The following NPM2 variants were observed in gnomAD, a reference collection of about 807,000 sequenced individuals.
The protein encoded by NPM2 is nucleophosmin/nucleoplasmin 2, also known as nucleoplasmin-2.
In NPM2, 25 loss-of-function variants were observed where a neutral mutation model predicts 32.0. That is an observed-to-expected ratio of 0.78 (90% CI 0.57 to 1.09). NPM2 has a LOEUF of 1.09. Among genes scored for constraint, NPM2 ranks in the 50% least tolerant of loss-of-function variants. The pLI is 0.00. For missense variants in NPM2, 282 were observed against 259.9 expected (o/e 1.08, Z -0.58); for synonymous variants, 111 against 94.2 (o/e 1.18, Z -1.04).
intron 8 of NPM2, among the ~76,000 whole-genome samples, chr8:22,036,039 C>T (rs1263082480): frequency 6.6e-6 from 1 of 151,722 alleles, no homozygotes; most frequent in African/African-American, 2.4e-5. Context: ...AATGTATTTT[C>T]TTGTCTATTT....
rs1458304185 is a variant in NPM2, at chr8:22,025,758, T to G, written c.256T>G (p.Ser86Ala). The change falls in exon 5 of 10, where the codon TCA becomes GCA. Residue 86 changes from serine (S) to alanine (A), a missense_variant. Physicochemically the swap from Ser to Ala is moderately conservative, Grantham distance 99. Coordinates refer to ENST00000518119, the MANE Select transcript of NPM2 (RefSeq NM_001286680.2). ...QPVTIASLQA[S>A]VLPMVSMVGV... Reference sequence around the variant, plus strand: ...GGTCACCATTGCCTCACTCCAGGCCTCAGTCCTCCCCATGGTGCGCATTTC... The same window carrying G: ...GGTCACCATTGCCTCACTCCAGGCCGCAGTCCTCCCCATGGTGCGCATTTC... 2 of 1,613,968 alleles carry G rather than the reference T, an allele frequency of 1.2e-6. No homozygotes were observed. Among genetic ancestry groups the G allele is most frequent in the African/African-American group, 1.3e-5 (1 of 74,910 alleles).
intron 8 of NPM2, 72 bp downstream of exon 8, chr8:22,034,616 C>A: frequency 7.9e-7 from 1 of 1,273,820 alleles, no homozygotes; most frequent in Non-Finnish European, 1.1e-6. Flanking sequence ...GAATACTGTG[C>A]TGTTGGGATG....
At chr8:22,025,897 C>A in intron 5 of NPM2, 125 bp downstream of exon 5, 1 of 1,397,874 alleles carries the variant, frequency 7.2e-7, no homozygotes, top group Non-Finnish European at 9.8e-7. Context: ...GTAGCACAGC[C>A]CATGCAGAAA....
chr8:22,026,678 C>T (rs1800267459), intron 5 of NPM2, among the ~76,000 whole-genome samples: 1 of 152,264 alleles, frequency 6.6e-6, no homozygotes. Flanking sequence ...TAGTCTCGAA[C>T]TCCTGACCTC....
chr8:22,025,027 C>T (rs1800186716), intron 2 of NPM2, 189 bp from the exon 3 acceptor site: 2 of 553,640 alleles, frequency 3.6e-6, no homozygotes, highest in Non-Finnish European at 6.3e-6. Flanking sequence ...GGTCGAGCCC[C>T]GGGCTGCGCA....
intron 6 of NPM2, among the ~76,000 whole-genome samples, chr8:22,033,498 G>A (rs947727218): frequency 1.3e-5 from 2 of 152,194 alleles, no homozygotes; most frequent in Admixed American, 6.5e-5. Context: ...AAAGCACTCA[G>A]CGTAATACCC....
intron 7 of NPM2, 33 bp from the exon 8 acceptor site, chr8:22,034,477 A>T (rs748573441): frequency 1.3e-6 from 2 of 1,596,004 alleles, no homozygotes; most frequent in East Asian, 4.5e-5. Flanking sequence ...ACTTTGTCTG[A>T]ACTCTCATAA....
chr8:22,025,444 C>T lies in NPM2; in HGVS notation c.67C>T (p.Leu23Phe), dbSNP rs1381270482. The change falls in exon 4 of 10, where the codon CTC (leucine) becomes TTC (phenylalanine). Residue 23 changes from leucine (L) to phenylalanine (F), a missense_variant. Coordinates refer to ENST00000518119, the MANE Select transcript of NPM2 (RefSeq NM_001286680.2). ...AVTTVLWGCE[L>F]SQERRTWTFR... ...CCCTTTCTCCTCCGCAGGCTGCGAG[C>T]TCAGTCAGGAGAGGCGGACTTGGAC... is the stretch of plus-strand genomic sequence containing the variant. The T allele has an allele frequency of 1.9e-6, 3 of 1,613,908 alleles. No homozygotes were observed.
intron 9 of NPM2, 40 bp from the exon 10 acceptor site, chr8:22,036,598 G>C (rs1469437884): frequency 6.4e-7 from 1 of 1,555,720 alleles, no homozygotes; most frequent in Non-Finnish European, 8.7e-7. Flanking sequence ...CTGGTATGGA[G>C]AAGGGAACGG....
Position 22,027,012 on chromosome 8 carries a change from C to A in NPM2, c.270+1240C>A, listed in dbSNP as rs187823962. Among the ~76,000 whole-genome samples, 414 of 152,290 alleles carry A rather than the reference C, an allele frequency of 2.7e-3. 5 individuals carry two copies. The highest frequency in any genetic ancestry group is 9.5e-3 in the African/African-American group (395 of 41,564). On this transcript the variant is annotated intron_variant, in intron 5 of 9. Coordinates refer to ENST00000518119, the MANE Select transcript of NPM2 (RefSeq NM_001286680.2). Reference sequence around the variant, plus strand: ...TTTTCTATTCATATGATTCTAGGTTCTTTAGTCCACGTGGTAAATTATATG... The same window carrying A: ...TTTTCTATTCATATGATTCTAGGTTATTTAGTCCACGTGGTAAATTATATG...
intron 8 of NPM2, among the ~76,000 whole-genome samples, chr8:22,035,031 G>A (rs892850161): frequency 3.3e-5 from 5 of 152,090 alleles, no homozygotes; most frequent in Non-Finnish European, 5.9e-5. Flanking sequence ...GCTTGAGCCC[G>A]GGGAAAAGTT....
At chr8:22,031,120 G>A (rs1800425560) in intron 5 of NPM2, among the ~76,000 whole-genome samples, 1 of 152,156 alleles carries the variant, frequency 6.6e-6, no homozygotes, top group African/African-American at 2.4e-5. Flanking sequence ...TCTTGGCTTG[G>A]CAGTACTCAC....
chr8:22,030,674 A>G (rs769811932), intron 5 of NPM2, among the ~76,000 whole-genome samples: 1 of 151,904 alleles, frequency 6.6e-6, no homozygotes, highest in Non-Finnish European at 1.5e-5. Flanking sequence ...ATATATGTAC[A>G]TATTTCTGTA....
chr8:22,031,426 T>A (rs985890733), intron 5 of NPM2, among the ~76,000 whole-genome samples: 2 of 152,178 alleles, frequency 1.3e-5, no homozygotes, highest in Non-Finnish European at 2.9e-5. Context: ...CCTTGTCTCC[T>A]GACTGTGAAG....
chr8:22,034,195 G>A lies in NPM2; in HGVS notation c.451G>A (p.Ala151Thr), dbSNP rs1280740534. Reference protein sequence around the residue: ...EEEEDDEDEDADISLEEQSPV... With the variant: ...EEEEDDEDEDTDISLEEQSPV... The stretch of plus-strand genomic sequence containing the variant: ...AGAGGAAGATGATGAGGATGAGGAT[G>A]CAGATATATCTCTGGAGGAGCAAAG... The change falls in exon 7 of 10, where the codon GCA becomes ACA. Residue 151 changes from alanine (A) to threonine (T), a missense_variant. Coordinates refer to ENST00000518119, the MANE Select transcript of NPM2 (RefSeq NM_001286680.2). 2 of 1,613,100 alleles carry A rather than the reference G, an allele frequency of 1.2e-6. No homozygotes were observed. The highest frequency in any genetic ancestry group is 1.7e-6 in the Non-Finnish European group (2 of 1,179,662).
Position 22,034,518 on chromosome 8 carries a change from GCTGGAAAAAGA to G in NPM2, c.541_551del (p.Leu181ArgfsTer9). ...TGTTTTTTGGTTCCCAGAAAAAAAA[GCTGGAAAAAGA>G]AGAAGAGGAAATAAGGTAACTCTTT... On this transcript the variant is annotated frameshift_variant, in exon 8 of 10. Transcript: ENST00000518119. LOFTEE classifies it high-confidence loss of function. The G allele has an allele frequency of 6.2e-7, 1 of 1,611,888 alleles. No individual in the cohort carries two copies. The highest frequency in any genetic ancestry group is 8.5e-7 in the Non-Finnish European group (1 of 1,178,426).
intron 5 of NPM2, among the ~76,000 whole-genome samples, chr8:22,026,655 AT>A (rs1462720387): frequency 6.6e-6 from 1 of 152,020 alleles, no homozygotes; most frequent in Non-Finnish European, 1.5e-5. Flanking sequence ...GGGTTTCACA[AT>A]GTTGCCCAGG....
In NPM2 at chr8:22,025,473, C is replaced by CA. The variant is rs778662794; in HGVS notation, c.97dup (p.Arg33LysfsTer90). 23 of 1,614,074 alleles carry CA rather than the reference C, an allele frequency of 1.4e-5. No homozygotes were observed. The African/African-American group carries it at 2.1e-4, about 15-fold the overall frequency. On this transcript the variant is annotated frameshift_variant, in exon 4 of 10. Transcript: ENST00000518119. LOFTEE classifies it high-confidence loss of function. ...GTCAGGAGAGGCGGACTTGGACCTT[C>CA]AGACCCCAGCTGGAGGGGAAGCAGA...
chr8:22,034,672 C>T (rs1047355889), intron 8 of NPM2, 128 bp downstream of exon 8: 1 of 743,364 alleles, frequency 1.3e-6, no homozygotes, highest in Non-Finnish European at 2.3e-6. Context: ...CACTCGCAGG[C>T]ACATGGGTAT....
Sources: allele counts gnomAD v4.1 joint callset (sites outside exome capture counted in the v4.1 genomes callset), GRCh38; gene constraint gnomAD v4.1.1; transcripts MANE v1.5; gene names NCBI Gene and HGNC (gene_info 2026-07-23, HGNC 2026-07-21).